The following THSD7B variants were observed in gnomAD, a reference collection of about 807,000 sequenced individuals.
THSD7B encodes the protein thrombospondin type-1 domain-containing protein 7B.
Under a neutral mutation model 213.6 loss-of-function variants are expected in THSD7B, and 138 were observed. The ratio of observed to expected loss-of-function variants is 0.65; its 90% confidence interval spans 0.56 to 0.74. THSD7B has a LOEUF of 0.74. THSD7B is among the 30% of genes least tolerant of loss of function. The pLI is 0.00. For synonymous variants in THSD7B, 742 were observed against 687.0 expected (o/e 1.08, Z -1.25); for missense variants, 1,931 against 1,991.5 (o/e 0.97, Z 0.58).
chr2:137,210,840 G>A (rs1453170126), intron 7 of THSD7B, among the ~76,000 whole-genome samples: 1 of 151,910 alleles, frequency 6.6e-6, no homozygotes, highest in Non-Finnish European at 1.5e-5. Flanking sequence ...TCAGAAGATA[G>A]AATTTAGCCC....
chr2:137,133,053 A>G (rs1016265177), intron 5 of THSD7B, among the ~76,000 whole-genome samples: 2 of 152,234 alleles, frequency 1.3e-5, no homozygotes, highest in Non-Finnish European at 2.9e-5. Flanking sequence ...TAATCATCTT[A>G]TAATGAAGTA....
At chr2:137,656,758 A>T in intron 22 of THSD7B, 38 bp from the exon 23 acceptor site, 3 of 1,577,834 alleles carry the variant, frequency 1.9e-6, no homozygotes, top group Non-Finnish European at 2.6e-6. Context: ...GCCACTTTTC[A>T]TGCTGTTTTC....
At chr2:136,947,724 G>A (rs1035680548) in intron 2 of THSD7B, among the ~76,000 whole-genome samples, 6 of 152,278 alleles carry the variant, frequency 3.9e-5, no homozygotes, top group Admixed American at 6.5e-5. Context: ...TATAAAGTAG[G>A]TATCAGATTA....
intron 16 of THSD7B, among the ~76,000 whole-genome samples, chr2:137,569,461 C>T (rs369773116): frequency 1.8e-4 from 27 of 152,218 alleles, no homozygotes; most frequent in African/African-American, 4.8e-4. Context: ...CAGCAATCAC[C>T]GGCAGGGGGA....
chr2:137,174,095 T>TA (rs1202754695), intron 7 of THSD7B, among the ~76,000 whole-genome samples: 2 of 152,208 alleles, frequency 1.3e-5, no homozygotes, highest in African/African-American at 2.4e-5. Flanking sequence ...AAAAACCACT[T>TA]ACATTAGATC....
At chr2:136,889,692 T>C (rs182075934) in intron 2 of THSD7B, among the ~76,000 whole-genome samples, 46 of 152,328 alleles carry the variant, frequency 3.0e-4, no homozygotes, top group African/African-American at 9.1e-4. Context: ...CACATGCCCA[T>C]CATTAATTTA....
At chr2:137,425,688 C>T (rs539428203) in intron 14 of THSD7B, among the ~76,000 whole-genome samples, 14 of 152,198 alleles carry the variant, frequency 9.2e-5, no homozygotes, top group Non-Finnish European at 1.6e-4. Context: ...TTAAAAAAGT[C>T]AACACAATAA....
intron 4 of THSD7B, among the ~76,000 whole-genome samples, chr2:137,113,851 A>G (rs1688397840): frequency 2.0e-5 from 3 of 152,212 alleles, no homozygotes; most frequent in African/African-American, 7.2e-5. Context: ...AAAAGTGAAA[A>G]TTAAGTAGTG....
Position 137,232,830 on chromosome 2 carries a change from A to C in THSD7B, c.1916-69A>C, listed in dbSNP as rs373659816. The C allele has an allele frequency of 8.6e-5, 124 of 1,443,386 alleles. No homozygotes were observed. In the East Asian group the frequency reaches 1.5e-3, roughly 17 times the overall value. The allele number at this position is 1,443,386 out of a possible 1,614,324, so 89.4% of individuals were successfully genotyped here. On this transcript the variant is annotated intron_variant, in intron 8 of 27. Transcript: ENST00000409968. ...GCAAAGCTGTCTCTCTAGACCATTA[A>C]AGCAGCAGAAACAACAAAAACAAGA...
chr2:137,073,768 G>T (rs1306758716), intron 3 of THSD7B, among the ~76,000 whole-genome samples: 1 of 152,158 alleles, frequency 6.6e-6, no homozygotes, highest in African/African-American at 2.4e-5. Context: ...GTGTCCCAGA[G>T]ATTCTGGTAT....
intron 4 of THSD7B, among the ~76,000 whole-genome samples, chr2:137,111,009 G>A (rs1285374626): frequency 6.6e-6 from 1 of 152,094 alleles, no homozygotes; most frequent in Non-Finnish European, 1.5e-5. Context: ...TTGTGTAAGT[G>A]CACTCTATGA....
At chr2:137,439,799 C>T (rs1283649208) in intron 14 of THSD7B, among the ~76,000 whole-genome samples, 1 of 151,972 alleles carries the variant, frequency 6.6e-6, no homozygotes, top group African/African-American at 2.4e-5. Flanking sequence ...TTTTTTTTGT[C>T]ATGTAATCCA....
chr2:137,049,520 CA>C (rs1418500604), intron 2 of THSD7B, among the ~76,000 whole-genome samples: 1 of 151,814 alleles, frequency 6.6e-6, no homozygotes. Flanking sequence ...AGTAGGTGTT[CA>C]AAAAAACAAA....
intron 2 of THSD7B, among the ~76,000 whole-genome samples, chr2:137,013,829 G>C (rs897016099): frequency 6.6e-6 from 1 of 152,194 alleles, no homozygotes; most frequent in Admixed American, 6.5e-5. Context: ...CTAGGAATTA[G>C]AAATTAAGAT....
chr2:136,875,357 G>A (rs2104985232), intron 1 of THSD7B, among the ~76,000 whole-genome samples: 1 of 152,314 alleles, frequency 6.6e-6, no homozygotes, highest in South Asian at 2.1e-4. Flanking sequence ...GGGAGGAGGA[G>A]GCTACAGTGA....
At chr2:137,641,629 A>G (rs1276914627) in intron 20 of THSD7B, among the ~76,000 whole-genome samples, 1 of 152,172 alleles carries the variant, frequency 6.6e-6, no homozygotes, top group African/African-American at 2.4e-5. Context: ...GAGAAGCACA[A>G]ACAAATAATG....
intron 2 of THSD7B, among the ~76,000 whole-genome samples, chr2:136,898,495 C>T (rs507140): frequency 0.44 from 65,824 of 150,766 alleles, 15,824 homozygotes; most frequent in Non-Finnish European, 0.55. Context: ...TTCTACTAGG[C>T]AGAGAGTACT....
intron 17 of THSD7B, among the ~76,000 whole-genome samples, chr2:137,612,385 C>A (rs563818140): frequency 4.6e-5 from 7 of 152,036 alleles, no homozygotes; most frequent in Non-Finnish European, 7.4e-5. Flanking sequence ...TTCTGGTTAC[C>A]CCTATTCCAG....
intron 10 of THSD7B, among the ~76,000 whole-genome samples, chr2:137,261,283 C>T (rs1682441667): frequency 6.6e-6 from 1 of 152,100 alleles, no homozygotes; most frequent in African/African-American, 2.4e-5. Flanking sequence ...AGTGGTGACC[C>T]TCTGCTCAGT....
Sources: gnomAD v4.1 joint callset for allele counts (sites outside exome capture counted in the v4.1 genomes callset) on GRCh38, gnomAD v4.1.1 for gene constraint, MANE v1.5 for transcripts, NCBI Gene and HGNC (gene_info 2026-07-23, HGNC 2026-07-21) for gene names.